Variants in TGFBR2 observed in about 807,000 individuals in gnomAD.
TGFBR2 encodes transforming growth factor beta receptor 2.
TGFBR2 carries 18 observed loss-of-function variants against 49.0 expected under a neutral mutation model. The ratio of observed to expected loss-of-function variants is 0.37; its 90% CI spans 0.25 to 0.54. The LOEUF is 0.54. Ranked by LOEUF, TGFBR2 falls within the 20% of genes least tolerant of loss-of-function variation. TGFBR2 has a pLI of 0.85. For synonymous variants in TGFBR2, 282 were observed against 275.9 expected (o/e 1.02, Z -0.22); for missense variants, 525 against 722.6 (o/e 0.73, Z 3.13).
At chr3:30,679,197 A>G (rs1340993806) in intron 5 of TGFBR2, among the ~76,000 whole-genome samples, 3 of 152,162 alleles carry the variant, frequency 2.0e-5, no homozygotes, top group Non-Finnish European at 4.4e-5. Flanking sequence ...ATGCTTAGGA[A>G]GGGAAGGCAG....
At chr3:30,668,353 A>G (rs550548700) in intron 3 of TGFBR2, among the ~76,000 whole-genome samples, 1 of 152,312 alleles carries the variant, frequency 6.6e-6, no homozygotes, top group South Asian at 2.1e-4. Context: ...ATGTAGTTAC[A>G]GACACAGAGA....
At chr3:30,660,599 A>T (rs1453049462) in intron 3 of TGFBR2, among the ~76,000 whole-genome samples, 1 of 152,162 alleles carries the variant, frequency 6.6e-6, no homozygotes, top group Non-Finnish European at 1.5e-5. Flanking sequence ...AGCCAAAATT[A>T]TGCCTTCGAA....
chr3:30,682,402 C>T (rs748997096), intron 5 of TGFBR2, among the ~76,000 whole-genome samples: 21 of 152,310 alleles, frequency 1.4e-4, no homozygotes, highest in South Asian at 1.0e-3. Context: ...TCTAAGCCTT[C>T]GCTTTTTCTC....
intron 1 of TGFBR2, among the ~76,000 whole-genome samples, chr3:30,623,824 T>G (rs939840335): frequency 6.6e-6 from 1 of 152,244 alleles, no homozygotes; most frequent in African/African-American, 2.4e-5. Context: ...TCAGAAATTC[T>G]TAAACATGAA....
chr3:30,667,351 A>G (rs1699263940), intron 3 of TGFBR2, among the ~76,000 whole-genome samples: 1 of 152,274 alleles, frequency 6.6e-6, no homozygotes, highest in Middle Eastern at 3.4e-3. Flanking sequence ...GTAGCAACCC[A>G]AGGGTTAATA....
At chr3:30,631,984 C>T (rs1203389563) in intron 1 of TGFBR2, among the ~76,000 whole-genome samples, 2 of 152,036 alleles carry the variant, frequency 1.3e-5, no homozygotes, top group African/African-American at 2.4e-5. Flanking sequence ...AAATGAGCTC[C>T]AGGAGAGAAG....
At position 30,636,878 on chromosome 3, in the gene TGFBR2, C is replaced by G. The variant is rs561838926; in HGVS notation, c.95-7869C>G. Among the ~76,000 whole-genome samples, 26 of 152,006 alleles carry G rather than the reference C, an allele frequency of 1.7e-4. 2 individuals carry two copies. Among genetic ancestry groups the G allele is most frequent in the Middle Eastern group, 3.4e-3 (1 of 294 alleles). On this transcript the variant is annotated intron_variant, in intron 1 of 6. Transcript: ENST00000295754. Reference sequence around the variant, plus strand: ...AGGAGATCGAGACCATCCTGGCTAACACGGTGAAACCCCGTCTCTACTAAA... The same window carrying G: ...AGGAGATCGAGACCATCCTGGCTAAGACGGTGAAACCCCGTCTCTACTAAA...
At chr3:30,610,520 GCT>G (rs1213124097) in intron 1 of TGFBR2, among the ~76,000 whole-genome samples, 1 of 152,112 alleles carries the variant, frequency 6.6e-6, no homozygotes, top group Non-Finnish European at 1.5e-5. Context: ...TTCATTTAGT[GCT>G]CTCTTTGAGG....
chr3:30,661,090 C>T (rs1699115947), intron 3 of TGFBR2, among the ~76,000 whole-genome samples: 1 of 152,182 alleles, frequency 6.6e-6, no homozygotes, highest in Admixed American at 6.5e-5. Flanking sequence ...ATGTACCTTG[C>T]TTTCAGGTTT....
chr3:30,691,549 T>C lies in TGFBR2; in HGVS notation c.1654T>C (p.Cys552Arg). ...TCTGGACAGGCTCTCGGGGAGGAGC[T>C]GCTCGGAGGAGAAGATTCCTGAAGA... ...EHLDRLSGRS[C>R]SEEKIPEDGS... Residue 552 changes from cysteine to arginine, a missense_variant, in exon 7 of 7, where the codon TGC becomes CGC. By Grantham distance (180) the Cys-to-Arg change is radical. This residue lies in a region of TGFBR2 where 104 missense variants were observed against 133.4 expected (regional missense o/e 0.78). Transcript: ENST00000295754. 1 of 1,614,042 alleles carries C rather than the reference T, an allele frequency of 6.2e-7. No individual in the cohort carries two copies. The highest frequency in any genetic ancestry group is 1.1e-5 in the South Asian group (1 of 91,068).
At chr3:30,687,711 CT>C (rs1658994493) in intron 5 of TGFBR2, among the ~76,000 whole-genome samples, 1 of 152,204 alleles carries the variant, frequency 6.6e-6, no homozygotes, top group South Asian at 2.1e-4. Flanking sequence ...AACTGAAATT[CT>C]TTACCCCTTA....
intron 1 of TGFBR2, among the ~76,000 whole-genome samples, chr3:30,630,876 A>T (rs1698424531): frequency 6.6e-6 from 1 of 152,152 alleles, no homozygotes. Context: ...CTTACGAGAC[A>T]TCAGAACTGC....
At chr3:30,616,172 G>T (rs969097097) in intron 1 of TGFBR2, among the ~76,000 whole-genome samples, 1 of 152,112 alleles carries the variant, frequency 6.6e-6, no homozygotes, top group Non-Finnish European at 1.5e-5. Context: ...CCAAAGACCT[G>T]AGTCTTTGAC....
In TGFBR2 at chr3:30,686,124, G is replaced by A. The variant is rs148065735; in HGVS notation, c.1397-2260G>A. Among the ~76,000 whole-genome samples the A allele has an allele frequency of 3.0e-3, 462 of 152,264 alleles. 5 individuals are homozygous for A. The highest frequency in any genetic ancestry group is 0.014 in the Middle Eastern group (4 of 294). ...TAAACACTTACTGGGAACCAGATCT[G>A]ATTCTCAGTTTTCTCTTTTGCTTGA... On this transcript the variant is annotated intron_variant, in intron 5 of 6. Transcript: ENST00000295754.
chr3:30,669,467 C>T (rs560570374), intron 3 of TGFBR2, among the ~76,000 whole-genome samples: 1 of 152,116 alleles, frequency 6.6e-6, no homozygotes, highest in East Asian at 1.9e-4. Flanking sequence ...GCGGAAAGGA[C>T]GGGCCAGTGG....
At chr3:30,666,602 A>C (rs1197065401) in intron 3 of TGFBR2, among the ~76,000 whole-genome samples, 1 of 151,662 alleles carries the variant, frequency 6.6e-6, no homozygotes, top group Non-Finnish European at 1.5e-5. Context: ...AGCTTATATA[A>C]AGTCATTCTT....
At chr3:30,684,029 A>G (rs960823060) in intron 5 of TGFBR2, among the ~76,000 whole-genome samples, 2 of 152,242 alleles carry the variant, frequency 1.3e-5, no homozygotes, top group Non-Finnish European at 1.5e-5. Flanking sequence ...AGGGACACTT[A>G]GAACTGAGGA....
At chr3:30,682,721 G>T (rs1284966018) in intron 5 of TGFBR2, among the ~76,000 whole-genome samples, 1 of 152,116 alleles carries the variant, frequency 6.6e-6, no homozygotes, top group African/African-American at 2.4e-5. Flanking sequence ...GTTTAATGTG[G>T]GTAAATAATA....
intron 3 of TGFBR2, among the ~76,000 whole-genome samples, chr3:30,660,660 A>T (rs79013507): frequency 0.022 from 3,325 of 152,328 alleles, 40 homozygotes; most frequent in Non-Finnish European, 0.033. Flanking sequence ...CCTTGGAGGA[A>T]TAGCAAGACA....
Sources: gnomAD v4.1 joint callset for allele counts (sites outside exome capture counted in the v4.1 genomes callset) on GRCh38, gnomAD v4.1.1 for gene constraint, gnomAD v4.1.1 regional missense constraint, MANE v1.5 for transcripts, NCBI Gene and HGNC (gene_info 2026-07-23, HGNC 2026-07-21) for gene names.